Variants in SUGCT observed in about 807,000 individuals in gnomAD.
SUGCT encodes the protein succinyl-CoA:glutarate-CoA transferase.
SUGCT carries 41 observed loss-of-function variants against 55.0 expected under a neutral mutation model. The observed-to-expected ratio is 0.74, with a 90% CI of 0.58 to 0.97. The LOEUF (loss-of-function observed/expected upper bound fraction) is 0.97, where lower values mean the gene tolerates loss of function less well. Among genes scored for constraint, SUGCT ranks in the 50% least tolerant of loss-of-function variants. The pLI, the probability that SUGCT is intolerant of heterozygous loss-of-function variation, is 0.00. For missense variants in SUGCT, 568 were observed against 547.8 expected (o/e 1.04, Z -0.37); for synonymous variants, 187 against 200.4 (o/e 0.93, Z 0.56).
At chr7:40,937,061 G>A in the SUGCT span, among the ~76,000 whole-genome samples, 1 of 152,142 alleles carries the variant, frequency 6.6e-6, no homozygotes, top group Non-Finnish European at 1.5e-5. Flanking sequence ...AGAATAATAT[G>A]TATTCTGCTG....
intron 12 of SUGCT, among the ~76,000 whole-genome samples, chr7:40,654,053 A>G (rs904359955): frequency 3.9e-5 from 6 of 152,200 alleles, no homozygotes; most frequent in Admixed American, 3.3e-4. Flanking sequence ...AGTCAAGAGA[A>G]TTAGTTTTAA....
intron 12 of SUGCT, among the ~76,000 whole-genome samples, chr7:40,675,140 A>G (rs1242557571): frequency 6.7e-6 from 1 of 149,976 alleles, no homozygotes; most frequent in Non-Finnish European, 1.5e-5. Context: ...GGCTCACTGC[A>G]ACCTCCGCCT....
the SUGCT span, among the ~76,000 whole-genome samples, chr7:40,946,037 T>G: frequency 6.6e-6 from 1 of 152,046 alleles, no homozygotes; most frequent in Non-Finnish European, 1.5e-5. Context: ...AGTGATTCAT[T>G]AATAGACTCA....
intron 9 of SUGCT, among the ~76,000 whole-genome samples, chr7:40,424,687 G>T (rs1787491882): frequency 1.3e-5 from 2 of 152,130 alleles, no homozygotes; most frequent in African/African-American, 4.8e-5. Flanking sequence ...TATTTAAATA[G>T]TGAGTAGATT....
intron 13 of SUGCT, among the ~76,000 whole-genome samples, chr7:40,757,887 G>A (rs1305787591): frequency 6.6e-6 from 1 of 152,048 alleles, no homozygotes; most frequent in East Asian, 1.9e-4. Flanking sequence ...TTCACTGAGT[G>A]CACAAAAAAG....
intron 12 of SUGCT, among the ~76,000 whole-genome samples, chr7:40,621,257 C>G (rs1212244537): frequency 1.3e-5 from 2 of 152,036 alleles, no homozygotes. Context: ...TCTAGCCCAG[C>G]GAACACAGCA....
chr7:40,146,585 T>C (rs949885080), intron 1 of SUGCT, among the ~76,000 whole-genome samples: 5 of 152,262 alleles, frequency 3.3e-5, no homozygotes, highest in Admixed American at 2.0e-4. Context: ...TCTGGCTAGT[T>C]ATCTGCAGCA....
chr7:40,563,082 G>A (rs577848808), intron 12 of SUGCT, among the ~76,000 whole-genome samples: 5 of 152,132 alleles, frequency 3.3e-5, no homozygotes, highest in Admixed American at 2.6e-4. Context: ...GGATCATCAC[G>A]CACATGCACA....
chr7:40,670,556 T>A (rs888836027), intron 12 of SUGCT, among the ~76,000 whole-genome samples: 1 of 152,016 alleles, frequency 6.6e-6, no homozygotes, highest in South Asian at 2.1e-4. Context: ...TTAAAAAAAT[T>A]TTTTTTAGAG....
intron 13 of SUGCT, among the ~76,000 whole-genome samples, chr7:40,754,369 C>T (rs1788155244): frequency 6.6e-6 from 1 of 152,158 alleles, no homozygotes; most frequent in Non-Finnish European, 1.5e-5. Flanking sequence ...GCATGATAGG[C>T]ACAATGTACT....
intron 9 of SUGCT, among the ~76,000 whole-genome samples, chr7:40,342,252 A>G (rs1225721079): frequency 6.6e-6 from 1 of 152,242 alleles, no homozygotes; most frequent in African/African-American, 2.4e-5. Flanking sequence ...AATTCATAGA[A>G]CAACAGAATA....
At chr7:40,244,990 C>CT (rs1236121502) in intron 7 of SUGCT, among the ~76,000 whole-genome samples, 1 of 152,070 alleles carries the variant, frequency 6.6e-6, no homozygotes, top group Non-Finnish European at 1.5e-5. Context: ...CTTAGCAGTT[C>CT]TTTTTTGTAT....
intron 13 of SUGCT, among the ~76,000 whole-genome samples, chr7:40,781,538 A>G (rs923293053): frequency 6.6e-6 from 1 of 152,150 alleles, no homozygotes; most frequent in Non-Finnish European, 1.5e-5. Context: ...TTTTATAATA[A>G]TGAAGCTATA....
intron 12 of SUGCT, among the ~76,000 whole-genome samples, chr7:40,629,384 G>C (rs1255250785): frequency 2.0e-5 from 3 of 152,162 alleles, no homozygotes; most frequent in South Asian, 2.1e-4. Flanking sequence ...GAGGGTCAGG[G>C]GAGACTCTCA....
At chr7:41,026,815 T>A in the SUGCT span, among the ~76,000 whole-genome samples, 95 of 152,218 alleles carry the variant, frequency 6.2e-4, no homozygotes, top group African/African-American at 2.1e-3. Flanking sequence ...AGGTAGATCA[T>A]GAGGTCAGGA....
At chr7:40,870,769 T>C in the SUGCT span, among the ~76,000 whole-genome samples, 1 of 152,220 alleles carries the variant, frequency 6.6e-6, no homozygotes, top group Non-Finnish European at 1.5e-5. Context: ...GAGTTGCCCG[T>C]TCTCCATTTG....
chr7:40,578,072 C>T (rs1376768188), intron 12 of SUGCT, among the ~76,000 whole-genome samples: 1 of 152,166 alleles, frequency 6.6e-6, no homozygotes, highest in Admixed American at 6.6e-5. Context: ...CACATTGGTT[C>T]TCAAACCTTA....
chr7:41,022,094 G>T, the SUGCT span, among the ~76,000 whole-genome samples: 1 of 152,120 alleles, frequency 6.6e-6, no homozygotes, highest in East Asian at 1.9e-4. Flanking sequence ...GTTCTGAGAT[G>T]TAGAAAGCTC....
At chr7:40,342,885 C>T (rs1301976710) in intron 9 of SUGCT, among the ~76,000 whole-genome samples, 1 of 152,252 alleles carries the variant, frequency 6.6e-6, no homozygotes, top group East Asian at 1.9e-4. Flanking sequence ...TCAAGTGATC[C>T]GCTTGCCTTG....
Sources: gnomAD v4.1 joint callset for allele counts (sites outside exome capture counted in the v4.1 genomes callset) on GRCh38, gnomAD v4.1.1 for gene constraint, MANE v1.5 for transcripts, NCBI Gene and HGNC (gene_info 2026-07-23, HGNC 2026-07-21) for gene names.